Variants in SLC38A9 observed in about 807,000 individuals in gnomAD.
The protein encoded by SLC38A9 is solute carrier family 38 member 9.
SLC38A9 carries 48 observed loss-of-function variants against 62.3 expected under a neutral mutation model. The ratio of observed to expected loss-of-function variants is 0.77; its 90% CI spans 0.61 to 0.98. The LOEUF is 0.98. Among genes scored for constraint, SLC38A9 ranks in the 50% least tolerant of loss-of-function variants. SLC38A9 has a pLI of 0.00. For synonymous variants in SLC38A9, 204 were observed against 227.7 expected (o/e 0.90, Z 0.94); for missense variants, 541 against 679.8 (o/e 0.80, Z 2.27).
chr5:55,654,375 T>C (rs1748041028), intron 9 of SLC38A9, among the ~76,000 whole-genome samples: 1 of 152,126 alleles, frequency 6.6e-6, no homozygotes. Context: ...CCCAGCACTT[T>C]GGGAGGCTGG....
chr5:55,653,458 C>CT (rs1311399855), intron 9 of SLC38A9, among the ~76,000 whole-genome samples: 1 of 152,124 alleles, frequency 6.6e-6, no homozygotes, highest in East Asian at 1.9e-4. Flanking sequence ...GAGCAGATTT[C>CT]TTTTAACAAC....
At chr5:55,652,982 TC>T (rs1211265029) in intron 9 of SLC38A9, among the ~76,000 whole-genome samples, 2 of 152,214 alleles carry the variant, frequency 1.3e-5, no homozygotes, top group Non-Finnish European at 2.9e-5. Flanking sequence ...TTATTTATTT[TC>T]TGAGACAGAG....
chr5:55,687,065 G>GTTTTTTTTTTTTTTT (rs56912932), intron 3 of SLC38A9, among the ~76,000 whole-genome samples: 1 of 125,706 alleles, frequency 8.0e-6, no homozygotes. Flanking sequence ...CTCCAGCTTT[G>GTTTTTTTTTTTTTTT]TTTTTTTTTT....
At chr5:55,658,274 C>A (rs1384661626) in intron 8 of SLC38A9, among the ~76,000 whole-genome samples, 1 of 152,138 alleles carries the variant, frequency 6.6e-6, no homozygotes, top group South Asian at 2.1e-4. Context: ...CTGCCTCAGC[C>A]TCCCGAGTAG....
At chr5:55,640,905 C>T (rs1263201830) in intron 12 of SLC38A9, among the ~76,000 whole-genome samples, 3 of 151,632 alleles carry the variant, frequency 2.0e-5, no homozygotes, top group Admixed American at 6.6e-5. Flanking sequence ...AGTGTGATCT[C>T]GGCTCACTGC....
intron 8 of SLC38A9, among the ~76,000 whole-genome samples, chr5:55,660,228 T>C (rs1391590064): frequency 2.6e-4 from 39 of 151,836 alleles, no homozygotes; most frequent in Non-Finnish European, 2.1e-4. Flanking sequence ...CTGGGCAACA[T>C]GACGAAACCT....
At chr5:55,638,313 T>C (rs73123887) in intron 12 of SLC38A9, among the ~76,000 whole-genome samples, 7,436 of 152,238 alleles carry the variant, frequency 0.049, 310 homozygotes, top group African/African-American at 0.11. Flanking sequence ...TTTAATGGAA[T>C]AGCCTTGAAA....
At chr5:55,697,493 TGAA>T (rs1229890440) in intron 3 of SLC38A9, among the ~76,000 whole-genome samples, 3 of 152,144 alleles carry the variant, frequency 2.0e-5, no homozygotes, top group African/African-American at 4.8e-5. Context: ...TCAATGAAGA[TGAA>T]GATTTTCTAT....
chr5:55,706,408 A>T (rs1426301582), intron 2 of SLC38A9, among the ~76,000 whole-genome samples: 1 of 152,358 alleles, frequency 6.6e-6, no homozygotes, highest in East Asian at 1.9e-4. Flanking sequence ...TTACTTAAAG[A>T]TTGAAAGTGA....
At chr5:55,684,415 G>C (rs1215205937) in intron 3 of SLC38A9, among the ~76,000 whole-genome samples, 1 of 152,170 alleles carries the variant, frequency 6.6e-6, no homozygotes, top group Admixed American at 6.5e-5. Flanking sequence ...TTTGAGACAG[G>C]AGCAATCCTA....
intron 12 of SLC38A9, 38 bp downstream of exon 12, chr5:55,645,751 G>C (rs112664540): frequency 7.2e-7 from 1 of 1,383,464 alleles, no homozygotes; most frequent in Non-Finnish European, 1.0e-6. Context: ...ATTTATCCTC[G>C]GGAGATACAA....
chr5:55,676,609 G>T (rs578149356), intron 3 of SLC38A9, among the ~76,000 whole-genome samples: 1 of 152,236 alleles, frequency 6.6e-6, no homozygotes, highest in East Asian at 1.9e-4. Context: ...AAAATATTTT[G>T]TATCATACAG....
intron 3 of SLC38A9, chr5:55,696,882 C>G (rs1425405742): frequency 2.5e-5 from 4 of 159,822 alleles, no homozygotes; most frequent in African/African-American, 1.0e-4. Flanking sequence ...ACCTCCCAGA[C>G]GGGGTGGCGG....
intron 15 of SLC38A9, among the ~76,000 whole-genome samples, chr5:55,627,250 T>G (rs1216969215): frequency 2.0e-5 from 3 of 152,176 alleles, no homozygotes; most frequent in Non-Finnish European, 4.4e-5. Flanking sequence ...CCCTTCTTGT[T>G]CCTTGTTACT....
chr5:55,692,897 T>C lies in SLC38A9; in HGVS notation c.113+4949A>G, dbSNP rs74799745. 1.5e-3 allele frequency: 1,500 copies of C among 978,228 alleles called. 24 individuals carry two copies. The African/African-American group carries it at 0.025, about 16-fold the overall frequency. 60.6% of individuals were successfully genotyped at this position (978,228 alleles called of 1,614,324 possible). A position where few individuals can be genotyped will look rare whatever the true frequency, so the allele number is the denominator to read the frequency against. On this transcript the variant is annotated intron_variant, in intron 3 of 15. Transcript: ENST00000396865. The stretch of plus-strand genomic sequence containing the variant: ...AAGAATCAAAAGTCTTATTTCATTA[T>C]CTTTTCTGATGGCCACTATAAATGA...
intron 3 of SLC38A9, among the ~76,000 whole-genome samples, chr5:55,687,661 T>C (rs1232177703): frequency 1.3e-5 from 2 of 152,086 alleles, no homozygotes; most frequent in East Asian, 3.9e-4. Context: ...ACTTCCCTAA[T>C]TAGCTGTATT....
intron 12 of SLC38A9, among the ~76,000 whole-genome samples, chr5:55,641,875 A>G (rs1166950289): frequency 1.3e-5 from 2 of 152,256 alleles, no homozygotes; most frequent in African/African-American, 2.4e-5. Context: ...CTACTTTACA[A>G]GTACTAATAG....
At chr5:55,674,026 G>C (rs1751740912) in intron 3 of SLC38A9, among the ~76,000 whole-genome samples, 1 of 152,186 alleles carries the variant, frequency 6.6e-6, no homozygotes, top group South Asian at 2.1e-4. Context: ...ATCTAATCTT[G>C]TGGGAAGTAC....
chr5:55,694,379 G>C (rs922660177), intron 3 of SLC38A9, among the ~76,000 whole-genome samples: 3 of 152,034 alleles, frequency 2.0e-5, no homozygotes, highest in African/African-American at 7.2e-5. Context: ...ACATCTTCTG[G>C]TAAGATCAGG....
Sources: allele counts gnomAD v4.1 joint callset (sites outside exome capture counted in the v4.1 genomes callset), GRCh38; gene constraint gnomAD v4.1.1; transcripts MANE v1.5; gene names NCBI Gene and HGNC (gene_info 2026-07-23, HGNC 2026-07-21).